Variants in TBC1D31 observed in about 807,000 individuals in gnomAD.
TBC1D31 encodes WD repeat domain 67.
Under a neutral mutation model 132.9 loss-of-function variants are expected in TBC1D31, and 99 were observed. The ratio of observed to expected loss-of-function variants is 0.74; its 90% CI spans 0.63 to 0.88. The LOEUF (loss-of-function observed/expected upper bound fraction) is 0.88. TBC1D31 is among the 40% of genes least tolerant of loss of function. The probability of loss-of-function intolerance (pLI) is 0.00; values close to 1 mark genes in which losing one functional copy is unlikely to be tolerated. For missense variants in TBC1D31, 1,134 were observed against 1,256.6 expected, an observed-to-expected ratio of 0.90 and a Z score of 1.48; for synonymous variants, 385 against 419.4, an observed-to-expected ratio of 0.92 and a Z score of 1.00.
intron 1 of TBC1D31, among the ~76,000 whole-genome samples, chr8:123,075,980 A>G (rs1326429835): frequency 6.6e-6 from 1 of 152,242 alleles, no homozygotes; most frequent in Admixed American, 6.5e-5. Flanking sequence ...GTATGTAATC[A>G]TTAAATAACA....
chr8:123,134,551 A>G (rs1163547896), intron 17 of TBC1D31, among the ~76,000 whole-genome samples: 1 of 152,130 alleles, frequency 6.6e-6, no homozygotes, highest in African/African-American at 2.4e-5. Context: ...AGGAAAAAGA[A>G]AAGCAGGGTT....
intron 17 of TBC1D31, among the ~76,000 whole-genome samples, chr8:123,135,636 G>A (rs541478005): frequency 6.6e-6 from 1 of 152,294 alleles, no homozygotes; most frequent in Admixed American, 6.5e-5. Context: ...AGTGATAACT[G>A]TGAATTCACA....
At chr8:123,093,813 T>G in intron 5 of TBC1D31, 71 bp downstream of exon 5, 1 of 1,115,366 alleles carries the variant, frequency 9.0e-7, no homozygotes, top group South Asian at 2.6e-5. Flanking sequence ...CAAATTTTCA[T>G]TTAGTTTTTA....
downstream of TBC1D31, among the ~76,000 whole-genome samples, chr8:123,153,840 A>G (rs1822922578): frequency 6.6e-6 from 1 of 152,172 alleles, no homozygotes; most frequent in Non-Finnish European, 1.5e-5. Context: ...AGGCCTTTTC[A>G]TATTTATTAC....
In TBC1D31 at chr8:123,142,366, A is replaced by T. The variant is rs767222741; in HGVS notation, c.2745A>T (p.Lys915Asn). Residue 915 changes from lysine to asparagine, a missense_variant, in exon 19 of 22, where the codon AAA (lysine) becomes AAT (asparagine). Lys to Asn is a moderately conservative substitution (Grantham distance 94). Transcript: ENST00000287380. ...AATGTGATGATCTACAACGAAACAAATGTTACCAGGAAGTAGCCAAACTCC... is the reference window on the plus strand; with the variant it reads ...AATGTGATGATCTACAACGAAACAATTGTTACCAGGAAGTAGCCAAACTCC... ...KQKCDDLQRN[K>N]CYQEVAKLLR... 6.2e-7 allele frequency: 1 copy of T among 1,610,292 alleles called. No homozygotes were observed. The highest frequency in any genetic ancestry group is 2.2e-5 in the East Asian group (1 of 44,570).
chr8:123,144,673 C>T (rs1330173973), intron 19 of TBC1D31, 44 bp from the exon 20 acceptor site: 4 of 1,566,548 alleles, frequency 2.6e-6, no homozygotes, highest in African/African-American at 2.7e-5. Context: ...ATGTGTATTA[C>T]TATACTTTTT....
chr8:123,076,476 T>C (rs949552310), intron 1 of TBC1D31, among the ~76,000 whole-genome samples: 1 of 152,186 alleles, frequency 6.6e-6, no homozygotes, highest in Middle Eastern at 3.2e-3. Flanking sequence ...TACTGTTTTA[T>C]ATGGCAGTAT....
intron 8 of TBC1D31, among the ~76,000 whole-genome samples, chr8:123,108,127 T>G (rs1818108941): frequency 6.6e-6 from 1 of 152,202 alleles, no homozygotes; most frequent in African/African-American, 2.4e-5. Flanking sequence ...TACCTGTTTC[T>G]TCTTGTAAAA....
At chr8:123,153,159 T>C (rs966670079), downstream of TBC1D31, among the ~76,000 whole-genome samples, 1 of 152,136 alleles carries the variant, frequency 6.6e-6, no homozygotes, top group African/African-American at 2.4e-5. Flanking sequence ...CTGGTGTGTG[T>C]TTTTTGACAA....
intron 19 of TBC1D31, 110 bp from the exon 20 acceptor site, chr8:123,144,607 T>G: frequency 1.9e-6 from 2 of 1,051,682 alleles, no homozygotes. Flanking sequence ...CTACTTGCCA[T>G]GGGAATATAA....
chr8:123,115,766 A>T (rs995328617), intron 10 of TBC1D31, among the ~76,000 whole-genome samples: 2 of 152,116 alleles, frequency 1.3e-5, no homozygotes, highest in African/African-American at 4.8e-5. Context: ...CTGTAGTCGT[A>T]TCTCCCTCTG....
chr8:123,096,206 A>AC (rs748435084), intron 5 of TBC1D31, among the ~76,000 whole-genome samples: 1 of 151,000 alleles, frequency 6.6e-6, no homozygotes. Flanking sequence ...GTAAAATTCA[A>AC]CCCCCCACCC....
intron 20 of TBC1D31, among the ~76,000 whole-genome samples, chr8:123,147,921 T>A (rs1217408144): frequency 2.6e-5 from 4 of 150,998 alleles, no homozygotes. Context: ...AGGTCAGGAG[T>A]TTGAGACCAG....
At chr8:123,126,275 G>C in intron 12 of TBC1D31, 86 bp downstream of exon 12, 1 of 1,463,228 alleles carries the variant, frequency 6.8e-7, no homozygotes, top group Non-Finnish European at 9.2e-7. Flanking sequence ...TCTTGAAGGA[G>C]TATAATAAAA....
intron 7 of TBC1D31, among the ~76,000 whole-genome samples, chr8:123,104,960 A>G (rs1164677482): frequency 6.6e-6 from 1 of 152,174 alleles, no homozygotes; most frequent in Non-Finnish European, 1.5e-5. Context: ...TTTGCTGTAG[A>G]TAATAATCAC....
At chr8:123,140,592 G>T (rs1384655324) in intron 17 of TBC1D31, among the ~76,000 whole-genome samples, 169 bp from the exon 18 acceptor site, 1 of 151,964 alleles carries the variant, frequency 6.6e-6, no homozygotes, top group African/African-American at 2.4e-5. Context: ...GGATTTCCAG[G>T]GGTCCTTACT....
chr8:123,119,090 G>A (rs1819228312), intron 10 of TBC1D31, among the ~76,000 whole-genome samples: 1 of 152,144 alleles, frequency 6.6e-6, no homozygotes, highest in African/African-American at 2.4e-5. Context: ...ATGCCAATTG[G>A]AACTACGTTG....
chr8:123,085,655 C>G (rs572871030), intron 4 of TBC1D31, among the ~76,000 whole-genome samples: 1 of 152,032 alleles, frequency 6.6e-6, no homozygotes, highest in Non-Finnish European at 1.5e-5. Flanking sequence ...GTGATCCACC[C>G]GCCTTAGCCT....
In TBC1D31 at chr8:123,134,129, C is replaced by T. The variant is rs1210914427; in HGVS notation, c.2422C>T (p.Arg808Ter). 6.2e-6 allele frequency: 10 copies of T among 1,613,476 alleles called. No individual in the cohort carries two copies. Among genetic ancestry groups the T allele is most frequent in the Admixed American group, 5.0e-5 (3 of 59,960 alleles). ...TTGGCCATAGGTATATATGAGAGAT[C>T]GAGAAATTGCTGCCACAGCCAGAGA... ...EIGRKVYMRD[R>*]EIAATARDLE... Residue 808 changes from arginine to a stop codon, truncating the protein, a stop_gained, in exon 17 of 22, where the codon CGA becomes TGA. Coordinates refer to ENST00000287380, the MANE Select transcript of TBC1D31 (RefSeq NM_145647.4). LOFTEE classifies it high-confidence loss of function.
Sources: allele counts gnomAD v4.1 joint callset (sites outside exome capture counted in the v4.1 genomes callset), GRCh38; gene constraint gnomAD v4.1.1; transcripts MANE v1.5; gene names NCBI Gene and HGNC (gene_info 2026-07-23, HGNC 2026-07-21).